Variants in TNS1 observed in about 807,000 individuals in gnomAD.
TNS1 encodes the protein tensin-1.
In TNS1, 62 loss-of-function variants were observed where a neutral mutation model predicts 168.6. That is an observed-to-expected ratio of 0.37 (90% confidence interval 0.30 to 0.45). The LOEUF (loss-of-function observed/expected upper bound fraction) is 0.45. Ranked by LOEUF, TNS1 falls within the 20% of genes least tolerant of loss-of-function variation. The pLI is 1.00. For synonymous variants in TNS1, 934 were observed against 933.2 expected (o/e 1.00, Z -0.02); for missense variants, 2,240 against 2,339.4 (o/e 0.96, Z 0.88).
chr2:217,990,985 C>A lies in TNS1; in HGVS notation c.105G>T (p.Gly35=). The A allele has an allele frequency of 1.4e-6, 1 of 693,034 alleles. No individual in the cohort carries two copies. Among genetic ancestry groups the A allele is most frequent in the South Asian group, 1.5e-5 (1 of 66,606 alleles). 42.9% of individuals were successfully genotyped at this position (693,034 alleles called of 1,614,324 possible). ...VKTFKKVKPC[G]ICRQVITQEG... ...CCTGGGTGATGACCTGGCGGCAGATCCCACAGGGCTTCACCTTCTTGAAGG... is the reference window on the plus strand; with the variant it reads ...CCTGGGTGATGACCTGGCGGCAGATACCACAGGGCTTCACCTTCTTGAAGG... Residue 35 remains glycine (G), a synonymous_variant, in exon 2 of 33, where the codon GGG becomes GGT. Transcript: ENST00000682258.
intron 22 of TNS1, among the ~76,000 whole-genome samples, chr2:217,824,526 G>A (rs916038383): frequency 6.6e-6 from 1 of 152,184 alleles, no homozygotes; most frequent in African/African-American, 2.4e-5. Context: ...GCTGGCAAGG[G>A]GCACAGTCAG....
chr2:217,971,642 T>A (rs1157200850), intron 3 of TNS1, among the ~76,000 whole-genome samples: 2 of 152,240 alleles, frequency 1.3e-5, no homozygotes, highest in Non-Finnish European at 2.9e-5. Context: ...TTATAAGAAA[T>A]GGCCAAACTG....
chr2:217,861,391 A>G lies in TNS1; in HGVS notation c.1430-12304T>C, dbSNP rs117006708. 8.3e-3 allele frequency among the ~76,000 whole-genome samples: 1,268 copies of G among 152,260 alleles called. 33 individuals carry two copies. The East Asian group carries it at 0.09, about 11-fold the overall frequency. The stretch of plus-strand genomic sequence containing the variant: ...ACATACTTTCTGGTTGCTTCTCTGC[A>G]CTTGCTTCCAGTCGTTCTTTATCAC... On this transcript the variant is annotated intron_variant, in intron 18 of 32. Transcript: ENST00000682258.
intron 1 of TNS1, among the ~76,000 whole-genome samples, chr2:218,008,211 T>C (rs2105995681): frequency 6.6e-6 from 1 of 152,318 alleles, no homozygotes; most frequent in East Asian, 1.9e-4. Context: ...CCCAGAGCTC[T>C]ACTCCACAAT....
intron 23 of TNS1, among the ~76,000 whole-genome samples, chr2:217,820,720 C>T (rs1001008737): frequency 5.9e-5 from 9 of 152,282 alleles, no homozygotes; most frequent in Admixed American, 1.3e-4. Context: ...TGCAACCCTC[C>T]TTTCCTATGC....
intron 1 of TNS1, among the ~76,000 whole-genome samples, chr2:218,020,489 C>G (rs1410143095): frequency 3.3e-5 from 5 of 151,708 alleles, no homozygotes; most frequent in Non-Finnish European, 7.4e-5. Context: ...AGAACGCTGA[C>G]CCCTGAGCTG....
In TNS1 at chr2:217,951,817, C is replaced by A. The variant is rs185870646; in HGVS notation, c.186+26948G>T. Among the ~76,000 whole-genome samples, 612 of 152,350 alleles carry A rather than the reference C, an allele frequency of 4.0e-3. 13 individuals are homozygous for A. Among genetic ancestry groups the A allele is most frequent in the Non-Finnish European group, 2.1e-3 (146 of 68,028 alleles). On this transcript the variant is annotated intron_variant, in intron 3 of 32. Transcript: ENST00000682258. The stretch of plus-strand genomic sequence containing the variant: ...CACTGGAAGTCTCCCATAGTGGTAG[C>A]TTCACAGGCTAGACGTCCCCAGGTT...
intron 19 of TNS1, chr2:217,841,223 G>A (rs891132351): frequency 5.1e-6 from 5 of 985,030 alleles, no homozygotes; most frequent in East Asian, 1.1e-4. Context: ...GATTGGAGCC[G>A]GTGGAGAGGA....
intron 4 of TNS1, among the ~76,000 whole-genome samples, chr2:217,916,591 C>T (rs1196927697): frequency 6.6e-6 from 1 of 151,878 alleles, no homozygotes; most frequent in Non-Finnish European, 1.5e-5. Flanking sequence ...CTCCATCCTG[C>T]CCCACCAGTG....
chr2:217,833,785 T>G (rs973473545), intron 21 of TNS1, among the ~76,000 whole-genome samples: 2 of 152,248 alleles, frequency 1.3e-5, no homozygotes, highest in Non-Finnish European at 2.9e-5. Flanking sequence ...GGTTTTAAAG[T>G]ATGAAAAAGA....
intron 18 of TNS1, among the ~76,000 whole-genome samples, chr2:217,851,962 G>A (rs1947558411): frequency 6.6e-6 from 1 of 152,062 alleles, no homozygotes; most frequent in South Asian, 2.1e-4. Context: ...TGGCCAAAAT[G>A]GTGAAACCCC....
intron 6 of TNS1, among the ~76,000 whole-genome samples, chr2:217,903,002 A>G (rs897875842): frequency 3.9e-5 from 6 of 152,288 alleles, no homozygotes; most frequent in African/African-American, 1.4e-4. Context: ...ATGTCAGCAA[A>G]CACACCCTAC....
rs755401512 is a variant in TNS1 at position 217,848,650 on chromosome 2, T to C, written c.1867A>G (p.Thr623Ala). ...GGCAATTCATCGTCCAGGATGTCTG[T>C]CTCCCGCTCAGATGCTAACGCCCCA... ...NGGALASERE[T>A]DILDDELPNQ... The change falls in exon 19 of 33, where the codon ACA (threonine) becomes GCA (alanine). Residue 623 changes from threonine (T) to alanine (A), a missense_variant. Physicochemically the swap from Thr to Ala is moderately conservative, Grantham distance 58. Around this residue, in one of 2 missense-constraint regions of TNS1, gnomAD observed 2,131 missense variants for 2,171.2 expected, o/e 0.98. Transcript: ENST00000682258. 8.7e-6 allele frequency: 14 copies of C among 1,614,164 alleles called. No individual in the cohort carries two copies. The South Asian group carries it at 1.3e-4, about 15-fold the overall frequency.
In TNS1 at chr2:217,997,423, G is replaced by T. The variant is rs532678223; in HGVS notation, c.33+5417C>A. 6.6e-5 allele frequency among the ~76,000 whole-genome samples: 10 copies of T among 152,214 alleles called. No homozygotes were observed. The East Asian group carries it at 1.9e-3, about 29-fold the overall frequency. ...GTCTCTCATCCTTTAAACTAGACACGTTATCCACCTCTCATTTTTCTTTCT... is the reference window on the plus strand; with the variant it reads ...GTCTCTCATCCTTTAAACTAGACACTTTATCCACCTCTCATTTTTCTTTCT... On this transcript the variant is annotated intron_variant, in intron 1 of 32. Transcript: ENST00000682258.
rs58297965 is a variant in TNS1 at position 217,893,400 on chromosome 2, G to GCGCACACACACACACACA, written c.717+38_717+39insTGTGTGTGTGTGTGTGCG. 9 of 1,462,242 alleles carry GCGCACACACACACACACA rather than the reference G, an allele frequency of 6.2e-6. No homozygotes were observed. The African/African-American group carries it at 1.0e-4, about 16-fold the overall frequency. The allele number at this position is 1,462,242 out of a possible 1,614,324, so 90.6% of individuals were successfully genotyped here. ...CACACATGTGCGCATGTGCGCGCGCGCACACACACACACACACACACACAC... is the reference window on the plus strand; with the variant it reads ...CACACATGTGCGCATGTGCGCGCGCGCGCACACACACACACACACACACACACACACACACACACACAC... On this transcript the variant is annotated intron_variant, in intron 10 of 32. Coordinates refer to ENST00000682258, the MANE Select transcript of TNS1 (RefSeq NM_001387777.1).
intron 4 of TNS1, among the ~76,000 whole-genome samples, chr2:217,908,879 C>A (rs1445209854): frequency 2.0e-5 from 3 of 152,154 alleles, no homozygotes; most frequent in Non-Finnish European, 4.4e-5. Flanking sequence ...AGGTACACCA[C>A]CTTCTCTCCA....
At chr2:217,961,693 C>A (rs929701674) in intron 3 of TNS1, among the ~76,000 whole-genome samples, 1 of 152,094 alleles carries the variant, frequency 6.6e-6, no homozygotes, top group African/African-American at 2.4e-5. Context: ...CCCGGTGGGA[C>A]CCCCCCATTC....
At chr2:217,954,710 C>T (rs999748001) in intron 3 of TNS1, among the ~76,000 whole-genome samples, 1 of 152,174 alleles carries the variant, frequency 6.6e-6, no homozygotes, top group Non-Finnish European at 1.5e-5. Context: ...CCCAGCAGCC[C>T]TTCCTGCCCT....
intron 3 of TNS1, among the ~76,000 whole-genome samples, chr2:217,969,445 A>T (rs1405264716): frequency 6.6e-6 from 1 of 152,220 alleles, no homozygotes; most frequent in Non-Finnish European, 1.5e-5. Context: ...AGCACAAGCC[A>T]CTAAAGAAAA....
Sources: gnomAD v4.1 joint callset for allele counts (sites outside exome capture counted in the v4.1 genomes callset) on GRCh38, gnomAD v4.1.1 for gene constraint, gnomAD v4.1.1 regional missense constraint, MANE v1.5 for transcripts, NCBI Gene and HGNC (gene_info 2026-07-23, HGNC 2026-07-21) for gene names.